IFT88: variants seen among roughly 807,000 people sequenced by gnomAD.
IFT88 encodes intraflagellar transport protein 88 homolog.
Under a neutral mutation model 119.5 loss-of-function variants are expected in IFT88, and 74 were observed. The ratio of observed to expected loss-of-function variants is 0.62; its 90% CI spans 0.51 to 0.75. The LOEUF (loss-of-function observed/expected upper bound fraction) is 0.75. IFT88 is among the 30% of genes least tolerant of loss of function. The pLI is 0.00. For missense variants in IFT88, 961 were observed against 977.7 expected, an observed-to-expected ratio of 0.98 and a Z score of 0.23; for synonymous variants, 279 against 316.7, an observed-to-expected ratio of 0.88 and a Z score of 1.26.
At chr13:20,644,765 C>CAATTTATTTATTCAATTACTTTACCTTG (rs2050481328) in intron 19 of IFT88, 78 bp from the exon 20 acceptor site, 2 of 651,104 alleles carry the variant, frequency 3.1e-6, no homozygotes, top group Non-Finnish European at 5.5e-6. Flanking sequence ...TAAATTTATT[C>CAATTTATTTATTCAATTACTTTACCTTG]AATAGGTAAA....
chr13:20,671,580 A>G (rs1225085194), intron 24 of IFT88, among the ~76,000 whole-genome samples: 3 of 152,202 alleles, frequency 2.0e-5, no homozygotes, highest in East Asian at 1.9e-4. Context: ...AGTTCTTTGC[A>G]TCTCTAAAAT....
chr13:20,645,341 C>T (rs1282784778), intron 20 of IFT88, among the ~76,000 whole-genome samples: 1 of 152,182 alleles, frequency 6.6e-6, no homozygotes, highest in African/African-American at 2.4e-5. Flanking sequence ...CCACCTGCCT[C>T]AGCCTCCCAA....
chr13:20,592,345 T>C lies in IFT88; in HGVS notation c.339T>C (p.Phe113=). 1.2e-6 allele frequency: 2 copies of C among 1,610,080 alleles called. No individual in the cohort carries two copies. The highest frequency in any genetic ancestry group is 1.7e-6 in the Non-Finnish European group (2 of 1,178,646). The change falls in exon 7 of 26, where the codon TTT becomes TTC. Residue 113 remains phenylalanine, a synonymous_variant. Coordinates refer to ENST00000351808, the MANE Select transcript of IFT88 (RefSeq NM_006531.5). ...FTKAALRGSA[F]DPLSQSRGPA... ...TGAATTGTGTCTCAGGCTCTGCATT[T>C]GACCCCCTTAGTCAGTCAAGGGGCC... is the stretch of plus-strand genomic sequence containing the variant.
intron 11 of IFT88, 35 bp downstream of exon 11, chr13:20,599,600 T>G (rs763417715): frequency 1.1e-5 from 11 of 958,164 alleles, no homozygotes; most frequent in Middle Eastern, 2.1e-4. Flanking sequence ...ATTGTAAAAT[T>G]TAAGTGTTTT....
At chr13:20,606,025 A>ATGAT (rs61372578) in intron 13 of IFT88, among the ~76,000 whole-genome samples, 139,689 of 151,870 alleles carry the variant, frequency 0.92, 64,332 homozygotes, top group East Asian at 1. Context: ...TGATGTAGGC[A>ATGAT]TGATTTTTAT....
chr13:20,649,975 A>T (rs1317058820), intron 20 of IFT88, among the ~76,000 whole-genome samples: 1 of 152,170 alleles, frequency 6.6e-6, no homozygotes, highest in African/African-American at 2.4e-5. Context: ...AAGGAAATTA[A>T]ATCAGTAATA....
intron 4 of IFT88, among the ~76,000 whole-genome samples, chr13:20,590,136 A>G (rs57427084): frequency 1.3e-3 from 202 of 152,278 alleles, no homozygotes; most frequent in African/African-American, 4.3e-3. Context: ...ACATGATACA[A>G]CCAAGTCTCG....
chr13:20,567,886 A>T (rs1362859825), intron 1 of IFT88: 4 of 634,626 alleles, frequency 6.3e-6, no homozygotes, highest in South Asian at 3.0e-5. Flanking sequence ...TTTTTCGAGA[A>T]ACTGCAGTAG....
chr13:20,669,477 A>AC (rs2055400154), intron 23 of IFT88, among the ~76,000 whole-genome samples: 1 of 150,186 alleles, frequency 6.7e-6, no homozygotes, highest in Non-Finnish European at 1.5e-5. Flanking sequence ...AGGCTGGCAT[A>AC]CAATGGTGTG....
chr13:20,613,775 G>A (rs1276712848), intron 13 of IFT88, among the ~76,000 whole-genome samples: 2 of 151,918 alleles, frequency 1.3e-5, no homozygotes, highest in Non-Finnish European at 2.9e-5. Context: ...GATACGTGCT[G>A]TTAGGTTGGT....
In IFT88 at chr13:20,590,973, A is replaced by T; in HGVS notation, c.217A>T (p.Thr73Ser). 6.2e-7 allele frequency: 1 copy of T among 1,607,380 alleles called. No individual in the cohort carries two copies. The highest frequency in any genetic ancestry group is 8.5e-7 in the Non-Finnish European group (1 of 1,175,532). Residue 73 changes from threonine to serine, a missense_variant, in exon 5 of 26, where the codon ACA becomes TCA. Coordinates refer to ENST00000351808, the MANE Select transcript of IFT88 (RefSeq NM_006531.5). ...RPIATGYGSK[T>S]SLASSIGRPM... ...TAACTTTTCTGTTTACTAGTCCAAGACATCTCTGGCATCATCAATAGGAAG... is the reference window on the plus strand; with the variant it reads ...TAACTTTTCTGTTTACTAGTCCAAGTCATCTCTGGCATCATCAATAGGAAG...
At chr13:20,681,404 T>C (rs1301672317) in intron 24 of IFT88, among the ~76,000 whole-genome samples, 2 of 152,228 alleles carry the variant, frequency 1.3e-5, no homozygotes, top group Non-Finnish European at 2.9e-5. Flanking sequence ...TCCTCGAGGA[T>C]TAACTTCTCC....
chr13:20,597,818 G>C (rs1381443523), intron 9 of IFT88, among the ~76,000 whole-genome samples: 1 of 150,974 alleles, frequency 6.6e-6, no homozygotes, highest in African/African-American at 2.4e-5. Flanking sequence ...CCATGCAATG[G>C]CTCTATTTCT....
At chr13:20,580,671 A>G (rs767156307) in intron 2 of IFT88, among the ~76,000 whole-genome samples, 5 of 151,950 alleles carry the variant, frequency 3.3e-5, no homozygotes, top group Non-Finnish European at 7.4e-5. Flanking sequence ...TACCTGGGAT[A>G]GAGTCCCAGA....
chr13:20,668,533 A>G (rs2055174333), intron 23 of IFT88, among the ~76,000 whole-genome samples: 1 of 152,202 alleles, frequency 6.6e-6, no homozygotes. Flanking sequence ...AGCTATTACA[A>G]TGGTTAGTAC....
In IFT88 at chr13:20,633,246, G is replaced by A. The variant is rs117226563; in HGVS notation, c.1386+2144G>A. Among the ~76,000 whole-genome samples, 1,148 of 152,224 alleles carry A rather than the reference G, an allele frequency of 7.5e-3. 10 individuals carry two copies. Among genetic ancestry groups the A allele is most frequent in the Non-Finnish European group, 0.011 (768 of 68,004 alleles). On this transcript the variant is annotated intron_variant, in intron 16 of 25. Transcript: ENST00000351808. ...GTTTAATTGACTCACATTTTTGTAT[G>A]GCTAGGGAAACCTCAGGAAACTTAT...
chr13:20,689,870 CT>C (rs2058314608), intron 24 of IFT88, among the ~76,000 whole-genome samples: 1 of 152,064 alleles, frequency 6.6e-6, no homozygotes, highest in Admixed American at 6.6e-5. Flanking sequence ...AAAAAATTAA[CT>C]TTTGTTTTAA....
At chr13:20,643,351 A>T (rs2050248601) in intron 18 of IFT88, 104 bp from the exon 19 acceptor site, 2 of 836,642 alleles carry the variant, frequency 2.4e-6, no homozygotes, top group Non-Finnish European at 3.7e-6. Flanking sequence ...ATACAATAGC[A>T]CATTACTGTA....
chr13:20,620,197 A>AT lies in IFT88; in HGVS notation c.1199+4328dup, dbSNP rs937764293. ...GTGTGTAGTGTGAAGTAAGGTCAAG[A>AT]TTTTTTTTTTCTTTTCTCTCTCTTT... On this transcript the variant is annotated intron_variant, in intron 14 of 25. Coordinates refer to ENST00000351808, the MANE Select transcript of IFT88 (RefSeq NM_006531.5). 8.6e-5 allele frequency among the ~76,000 whole-genome samples: 13 copies of AT among 150,564 alleles called. No individual in the cohort carries two copies. In the South Asian group the frequency reaches 1.5e-3, roughly 17 times the overall value.
Sources: allele counts gnomAD v4.1 joint callset (sites outside exome capture counted in the v4.1 genomes callset), GRCh38; gene constraint gnomAD v4.1.1; transcripts MANE v1.5; gene names NCBI Gene and HGNC (gene_info 2026-07-23, HGNC 2026-07-21).